RBM5: variants seen among roughly 807,000 people sequenced by gnomAD.
The protein encoded by RBM5 is RNA binding motif protein 5, also known as RNA-binding protein 5.
RBM5 carries 15 observed loss-of-function variants against 124.6 expected under a neutral mutation model. The ratio of observed to expected loss-of-function variants is 0.12; its 90% CI spans 0.08 to 0.19. The LOEUF (loss-of-function observed/expected upper bound fraction) is 0.19, where lower values mean the gene tolerates loss of function less well. RBM5 is among the 10% of genes least tolerant of loss of function. The pLI, the probability that RBM5 is intolerant of heterozygous loss-of-function variation, is 1.00. For synonymous variants in RBM5, 337 were observed against 361.2 expected (o/e 0.93, Z 0.76); for missense variants, 580 against 1,026.5 (o/e 0.57, Z 5.94).
intron 6 of RBM5, chr3:50,101,267 A>G (rs1377257028): frequency 6.6e-6 from 1 of 152,210 alleles, no homozygotes; most frequent in Non-Finnish European, 1.5e-5. Flanking sequence ...GTTTGTCAAG[A>G]TAATGTTCAG....
At chr3:50,105,306 CAA>C in intron 9 of RBM5, among the ~76,000 whole-genome samples, 164 bp downstream of exon 9, 1 of 135,018 alleles carries the variant, frequency 7.4e-6, no homozygotes. Flanking sequence ...TACTCCGTCT[CAA>C]AAAAAAAAAA....
Position 50,118,663 on chromosome 3 carries a change from G to C in RBM5, c.*207G>C, listed in dbSNP as rs959544439. 1.4e-6 allele frequency: 1 copy of C among 723,078 alleles called. No individual in the cohort carries two copies. Among genetic ancestry groups the C allele is most frequent in the African/African-American group, 1.8e-5 (1 of 56,486 alleles). The allele number at this position is 723,078 out of a possible 1,614,324, so 44.8% of individuals were successfully genotyped here. On this transcript the variant is annotated 3_prime_UTR_variant, in exon 25 of 25. Transcript: ENST00000347869. ...GTGAATGGCCTTCCTTCCCGCCAGA[G>C]GGCTTGTGAACAGACCGGAGAGGAC... is the stretch of plus-strand genomic sequence containing the variant.
At chr3:50,108,173 C>T (rs776755164) in intron 13 of RBM5, 26 bp downstream of exon 13, 327 of 1,602,764 alleles carry the variant, frequency 2.0e-4, no homozygotes, top group Non-Finnish European at 2.6e-4. Flanking sequence ...CAGCATCCAC[C>T]TTATAGTCTT....
Position 50,109,688 on chromosome 3 carries a change from G to A in RBM5, c.1278G>A (p.Pro426=), listed in dbSNP as rs1385370839. ...AAACCTCCAATCCACCTGGCTCTCC[G>A]GTAATCCTGTTGTCCTATATACAAA... ...YNQTSNPPGS[P]TEEAQPSTST... Residue 426 remains proline, a splice_region_variant and synonymous_variant, in exon 15 of 25, where the codon CCG becomes CCA. Transcript: ENST00000347869. The A allele has an allele frequency of 6.2e-7, 1 of 1,611,356 alleles. No individual in the cohort carries two copies. Among genetic ancestry groups the A allele is most frequent in the Non-Finnish European group, 8.5e-7 (1 of 1,177,562 alleles).
In RBM5 at chr3:50,093,801, C is replaced by G. The variant is rs746349284; in HGVS notation, c.265C>G (p.His89Asp). ...DGDYGEHDYRHDISDERESKT... is the reference protein window; with the variant it reads ...DGDYGEHDYRDDISDERESKT... The stretch of plus-strand genomic sequence containing the variant: ...TGACTATGGTGAGCACGACTATAGG[C>G]ATGACATCAGTGACGAGAGGGAGAG... The change falls in exon 4 of 25, where the codon CAT becomes GAT. Residue 89 changes from histidine to aspartate, a missense_variant. Coordinates refer to ENST00000347869, the MANE Select transcript of RBM5 (RefSeq NM_005778.4). 1 of 1,614,076 alleles carries G rather than the reference C, an allele frequency of 6.2e-7. No individual in the cohort carries two copies. The highest frequency in any genetic ancestry group is 8.5e-7 in the Non-Finnish European group (1 of 1,179,948).
Position 50,100,293 on chromosome 3 carries a change from A to C in RBM5, c.410-239A>C. 1 of 534,486 alleles carries C rather than the reference A, an allele frequency of 1.9e-6. No individual in the cohort carries two copies. The highest frequency in any genetic ancestry group is 3.1e-5 in the South Asian group (1 of 31,988). The allele number at this position is 534,486 out of a possible 1,614,324, so 33.1% of individuals were successfully genotyped here. ...ATTTATAAACTCCTTTTTTTTTTTG[A>C]CTATAGTCGGTTGCATGGTTACTTT... On this transcript the variant is annotated intron_variant, in intron 5 of 24. Coordinates refer to ENST00000347869, the MANE Select transcript of RBM5 (RefSeq NM_005778.4). The surrounding 1 kb of genome is among the most constrained non-coding windows in gnomAD (Gnocchi z 5.1).
chr3:50,117,230 T>C lies in RBM5; in HGVS notation c.2193-20T>C. The C allele has an allele frequency of 5.0e-6, 8 of 1,614,168 alleles. No individual in the cohort carries two copies. Among genetic ancestry groups the C allele is most frequent in the Non-Finnish European group, 6.8e-6 (8 of 1,180,006 alleles). On this transcript the variant is annotated intron_variant, in intron 23 of 24. Transcript: ENST00000347869. The surrounding 1 kb of genome is among the most constrained non-coding windows in gnomAD (Gnocchi z 4.2). The stretch of plus-strand genomic sequence containing the variant: ...TGGGGCCCTGGCTGTTTTAAGTAAC[T>C]GTGTGTTTGCCACTGGCAGGAATTA...
chr3:50,109,081 C>G (rs185632214), intron 14 of RBM5, among the ~76,000 whole-genome samples: 11 of 149,694 alleles, frequency 7.3e-5, no homozygotes, highest in Non-Finnish European at 1.3e-4. Context: ...CTTTTCTCTT[C>G]TTTTTTTTTT....
At chr3:50,115,878 T>C in intron 21 of RBM5, 28 bp from the exon 22 acceptor site, 1 of 1,580,294 alleles carries the variant, frequency 6.3e-7, no homozygotes, top group Non-Finnish European at 8.7e-7. Context: ...TCTGAGTCCT[T>C]ACTGTGTCTT....
At chr3:50,107,229 T>C (rs995542014) in intron 11 of RBM5, 1 of 602,266 alleles carries the variant, frequency 1.7e-6, no homozygotes, top group Non-Finnish European at 3.0e-6. Context: ...ACACGGTAAA[T>C]TTCCCTTTTT....
chr3:50,114,517 G>A, intron 20 of RBM5: 1 of 429,542 alleles, frequency 2.3e-6, no homozygotes, highest in South Asian at 4.0e-5. Context: ...AGTTTTAATG[G>A]TCTGGAAAGA....
intron 24 of RBM5, 103 bp from the exon 25 acceptor site, chr3:50,118,228 T>C: frequency 6.8e-7 from 1 of 1,480,582 alleles, no homozygotes; most frequent in South Asian, 1.2e-5. Context: ...TTTTCTCTCT[T>C]CTGTCTCCTG....
rs759742103 is a variant in RBM5, at chr3:50,117,001, T to C, written c.2095-73T>C. The C allele has an allele frequency of 1.6e-4, 218 of 1,383,658 alleles. No homozygotes were observed. The highest frequency in any genetic ancestry group is 4.6e-4 in the Admixed American group (26 of 56,684). The allele number at this position is 1,383,658 out of a possible 1,614,324, so 85.7% of individuals were successfully genotyped here. A position where few individuals can be genotyped will look rare whatever the true frequency, so the allele number is the denominator to read the frequency against. ...TTTAAAAATACTTGAGGGGATAGTT[T>C]TGAATAGGTGCATTAGACGGTTACA... On this transcript the variant is annotated intron_variant, in intron 22 of 24. Coordinates refer to ENST00000347869, the MANE Select transcript of RBM5 (RefSeq NM_005778.4). The surrounding 1 kb of genome is among the most constrained non-coding windows in gnomAD (Gnocchi z 4.2).
rs1385604056 is a variant in RBM5, at chr3:50,113,295, C to CA, written c.1456-87dup. ...GGCAGGAAATATCACTAGTCCACAA[C>CA]ATACTTTATCTTTTTTTTGACAAAA... On this transcript the variant is annotated intron_variant, in intron 17 of 24. Coordinates refer to ENST00000347869, the MANE Select transcript of RBM5 (RefSeq NM_005778.4). 4 of 1,395,540 alleles carry CA rather than the reference C, an allele frequency of 2.9e-6. No homozygotes were observed. The African/African-American group carries it at 5.8e-5, about 20-fold the overall frequency. The allele number at this position is 1,395,540 out of a possible 1,614,324, so 86.4% of individuals were successfully genotyped here. A position where few individuals can be genotyped will look rare whatever the true frequency, so the allele number is the denominator to read the frequency against.
In RBM5 at chr3:50,117,452, A is replaced by G. The variant is rs2091276020; in HGVS notation, c.2322+73A>G. 2 of 1,586,538 alleles carry G rather than the reference A, an allele frequency of 1.3e-6. No homozygotes were observed. The highest frequency in any genetic ancestry group is 1.7e-5 in the Admixed American group (1 of 58,014). On this transcript the variant is annotated intron_variant, in intron 24 of 24. Coordinates refer to ENST00000347869, the MANE Select transcript of RBM5 (RefSeq NM_005778.4). This position sits in a 1 kb window ranked among gnomAD's most constrained non-coding sequence, Gnocchi z 4.2. ...TTCCAGAGATGAGATCAGAGCACTC[A>G]TAGAGCCTGGGAGCCAGGAGCAGCT... is the stretch of plus-strand genomic sequence containing the variant.
chr3:50,103,297 T>A (rs1318591554), intron 7 of RBM5, 131 bp downstream of exon 7: 1 of 744,302 alleles, frequency 1.3e-6, no homozygotes, highest in Non-Finnish European at 2.3e-6. Context: ...TTTGTTACTT[T>A]CCTTGGGTCC....
At chr3:50,103,013 G>A (rs2090970008) in intron 6 of RBM5, 70 bp from the exon 7 acceptor site, 1 of 1,260,362 alleles carries the variant, frequency 7.9e-7, no homozygotes, top group African/African-American at 1.5e-5. Context: ...TTTCCGAAGT[G>A]TGCTCTGCCC....
rs754861435 is a variant in RBM5 at position 50,090,368 on chromosome 3, C to G, written c.-53-14C>G. ...CTCTGAGATTTATAGCAATTAATCT[C>G]TCTTGTCTCCTAGAAAAAATAAAAT... On this transcript the variant is annotated splice_polypyrimidine_tract_variant and intron_variant, in intron 1 of 24. Transcript: ENST00000347869. 2 of 1,575,598 alleles carry G rather than the reference C, an allele frequency of 1.3e-6. No individual in the cohort carries two copies. Among genetic ancestry groups the G allele is most frequent in the Non-Finnish European group, 1.7e-6 (2 of 1,146,810 alleles).
At position 50,093,735 on chromosome 3, in the gene RBM5, A is replaced by G. The variant is rs1248184997; in HGVS notation, c.199A>G (p.Arg67Gly). The change falls in exon 4 of 25, where the codon AGG becomes GGG. Residue 67 changes from arginine to glycine, a missense_variant. Arg to Gly is a moderately radical substitution (Grantham distance 125). Coordinates refer to ENST00000347869, the MANE Select transcript of RBM5 (RefSeq NM_005778.4). Reference protein sequence around the residue: ...YDSPERERERRNSDRSEDGYH... With the variant: ...YDSPERERERGNSDRSEDGYH... ...TGTAACTCAGAGAGAGCGTGAAAGA[A>G]GGAACAGTGACCGATCCGAAGATGG... The G allele has an allele frequency of 1.2e-6, 2 of 1,613,428 alleles. No individual in the cohort carries two copies. The highest frequency in any genetic ancestry group is 1.7e-6 in the Non-Finnish European group (2 of 1,179,422).
Sources: allele counts gnomAD v4.1 joint callset (sites outside exome capture counted in the v4.1 genomes callset), GRCh38; gene constraint gnomAD v4.1.1; non-coding constraint Gnocchi (gnomAD v3.1); transcripts MANE v1.5; gene names NCBI Gene and HGNC (gene_info 2026-07-23, HGNC 2026-07-21).